The following CACNA1H variants were observed in gnomAD, a reference collection of about 807,000 sequenced individuals.
The protein encoded by CACNA1H is voltage-dependent T-type calcium channel subunit alpha-1H.
In CACNA1H, 149 loss-of-function variants were observed where a neutral mutation model predicts 192.5. The ratio of observed to expected loss-of-function variants is 0.77; its 90% CI spans 0.68 to 0.89. The LOEUF is 0.89. CACNA1H is among the 40% of genes least tolerant of loss of function. The pLI is 0.00. For synonymous variants in CACNA1H, 2,202 were observed against 1,475.2 expected (o/e 1.49, Z -11.29); for missense variants, 4,257 against 3,423.5 (o/e 1.24, Z -6.08).
At chr16:1,207,905 C>G in intron 15 of CACNA1H, 45 bp downstream of exon 15, 2 of 1,548,486 alleles carry the variant, frequency 1.3e-6, no homozygotes, top group Non-Finnish European at 1.8e-6. Context: ...GGGTGGAGTA[C>G]GCTGGGCTGG....
intron 2 of CACNA1H, among the ~76,000 whole-genome samples, chr16:1,174,121 C>A (rs540843201): frequency 6.6e-6 from 1 of 152,200 alleles, no homozygotes; most frequent in Non-Finnish European, 1.5e-5. Context: ...TGAGACCCAC[C>A]ACAGAGCCGT....
At chr16:1,163,561 G>A (rs1285616597) in intron 2 of CACNA1H, among the ~76,000 whole-genome samples, 1 of 152,214 alleles carries the variant, frequency 6.6e-6, no homozygotes, top group African/African-American at 2.4e-5. Context: ...TCTCTCTCAG[G>A]GCCACACACA....
intron 8 of CACNA1H, among the ~76,000 whole-genome samples, 178 bp downstream of exon 8, chr16:1,200,986 C>T (rs990643474): frequency 2.6e-5 from 4 of 152,056 alleles, no homozygotes; most frequent in Non-Finnish European, 4.4e-5. Context: ...CCCAAGAGGC[C>T]ATGGCATCAC....
intron 6 of CACNA1H, 23 bp downstream of exon 6, chr16:1,198,797 A>C: frequency 1.9e-6 from 3 of 1,596,410 alleles, no homozygotes; most frequent in Non-Finnish European, 2.6e-6. Context: ...CACCCCCGTG[A>C]GGCCCCTGCC....
At chr16:1,161,566 AG>A (rs1165050046) in intron 2 of CACNA1H, among the ~76,000 whole-genome samples, 1 of 152,098 alleles carries the variant, frequency 6.6e-6, no homozygotes, top group South Asian at 2.1e-4. Flanking sequence ...TGGCCACAGG[AG>A]GGGGGCTAGC....
At position 1,213,639 on chromosome 16, in the gene CACNA1H, G is replaced by A. The variant is rs534240728; in HGVS notation, c.4778-141G>A. On this transcript the variant is annotated intron_variant, in intron 26 of 34. Transcript: ENST00000348261. ...CTTATGTGAGCCCTGCCATGAGGCA[G>A]GGCCAGCCCCATCTTCACATGAGCC... The A allele has an allele frequency of 2.3e-5, 13 of 566,284 alleles. No individual in the cohort carries two copies. The South Asian group carries it at 3.9e-4, about 17-fold the overall frequency. 35.1% of individuals were successfully genotyped at this position (566,284 alleles called of 1,614,324 possible).
chr16:1,206,055 G>T, intron 11 of CACNA1H, 49 bp from the exon 12 acceptor site: 1 of 1,504,116 alleles, frequency 6.6e-7, no homozygotes, highest in Non-Finnish European at 8.9e-7. Flanking sequence ...ACGAGGGCCT[G>T]GGGTCAGGGA....
At chr16:1,215,735 C>A in intron 30 of CACNA1H, 142 bp downstream of exon 30, 1 of 695,460 alleles carries the variant, frequency 1.4e-6, no homozygotes, top group Non-Finnish European at 2.5e-6. Flanking sequence ...CTGCTGTGTG[C>A]AGTGCATGGC....
At chr16:1,185,009 C>G (rs1192231597) in intron 2 of CACNA1H, among the ~76,000 whole-genome samples, 3 of 152,184 alleles carry the variant, frequency 2.0e-5, no homozygotes, top group Non-Finnish European at 4.4e-5. Context: ...TTCCCTCACT[C>G]CAGAAGGAAA....
chr16:1,204,518 C>A, intron 10 of CACNA1H, 60 bp downstream of exon 10: 1 of 1,366,748 alleles, frequency 7.3e-7, no homozygotes, highest in South Asian at 1.4e-5. Flanking sequence ...CCTGGGGAGT[C>A]TCAGGAGGCT....
At position 1,206,324 on chromosome 16, in the gene CACNA1H, C is replaced by G. The variant is rs913951588; in HGVS notation, c.2789+35C>G. On this transcript the variant is annotated intron_variant, in intron 12 of 34. Transcript: ENST00000348261. ...ACCCCCCTCCCGGCCCGCCCAGTGT[C>G]TCACCCCAGGGCAGCTGGGAGGCAA... 11 of 1,539,044 alleles carry G rather than the reference C, an allele frequency of 7.1e-6. No individual in the cohort carries two copies. The Admixed American group carries it at 9.8e-5, about 14-fold the overall frequency.
At chr16:1,172,896 G>C (rs565753880) in intron 2 of CACNA1H, among the ~76,000 whole-genome samples, 1 of 151,900 alleles carries the variant, frequency 6.6e-6, no homozygotes, top group African/African-American at 2.4e-5. Context: ...GCCCCGTGGG[G>C]ACTCTCGCAG....
chr16:1,180,714 G>C lies in CACNA1H; in HGVS notation c.300-14258G>C, dbSNP rs2151754067. Among the ~76,000 whole-genome samples the C allele has an allele frequency of 6.6e-6, 1 of 152,270 alleles. No individual in the cohort carries two copies. The highest frequency in any genetic ancestry group is 2.4e-5 in the African/African-American group (1 of 41,564). ...AGGGATGAGGTGCAGACTGGGGAGA[G>C]TGCAGGGTGTGCAGCGGGGGCTGGG... On this transcript the variant is annotated intron_variant, in intron 2 of 34. Coordinates refer to ENST00000348261, the MANE Select transcript of CACNA1H (RefSeq NM_021098.3). This position sits in a 1 kb window ranked among gnomAD's most constrained non-coding sequence, Gnocchi z 4.4.
Position 1,210,830 on chromosome 16 carries a change from A to G in CACNA1H, c.4082A>G (p.Gln1361Arg). 2.5e-6 allele frequency: 4 copies of G among 1,604,210 alleles called. No homozygotes were observed. Among genetic ancestry groups the G allele is most frequent in the Non-Finnish European group, 3.4e-6 (4 of 1,179,716 alleles). Residue 1361 changes from glutamine to arginine, a missense_variant, in exon 21 of 35, where the codon CAG becomes CGG. Gln to Arg is a conservative substitution (Grantham distance 43). Coordinates refer to ENST00000348261, the MANE Select transcript of CACNA1H (RefSeq NM_021098.3). ...GLLSGEHAYL[Q>R]SSWNLLDGLL... The stretch of plus-strand genomic sequence containing the variant: ...CTGTCCGGCGAGCACGCCTACCTGC[A>G]GAGCAGCTGGAACCTGCTGGATGGG...
chr16:1,214,474 C>G (rs536230616), intron 27 of CACNA1H, among the ~76,000 whole-genome samples: 6 of 152,162 alleles, frequency 3.9e-5, no homozygotes, highest in African/African-American at 1.4e-4. Context: ...CTTCCCTCTC[C>G]GGAGGTTCGT....
intron 6 of CACNA1H, 188 bp downstream of exon 6, chr16:1,198,962 C>T (rs1280782331): frequency 3.7e-5 from 22 of 590,622 alleles, no homozygotes; most frequent in Admixed American, 3.0e-5. Flanking sequence ...ATCATGGCTC[C>T]GCCCAGCTGG....
chr16:1,168,005 C>T (rs1020407843), intron 2 of CACNA1H, among the ~76,000 whole-genome samples: 2 of 152,196 alleles, frequency 1.3e-5, no homozygotes, highest in Non-Finnish European at 2.9e-5. Context: ...GACCGCACCT[C>T]TGTCTGCCCT....
At chr16:1,213,311 T>G (rs1969675919) in intron 26 of CACNA1H, among the ~76,000 whole-genome samples, 1 of 152,130 alleles carries the variant, frequency 6.6e-6, no homozygotes, top group South Asian at 2.1e-4. Context: ...CCTTCATCAG[T>G]GTCTCAGCCT....
intron 11 of CACNA1H, among the ~76,000 whole-genome samples, chr16:1,205,540 C>A (rs1228985854): frequency 4.6e-5 from 7 of 152,216 alleles, no homozygotes; most frequent in Non-Finnish European, 1.0e-4. Flanking sequence ...ACTAGCGGAG[C>A]TGTTTCCTGC....
Sources: gnomAD v4.1 joint callset for allele counts (sites outside exome capture counted in the v4.1 genomes callset) on GRCh38, gnomAD v4.1.1 for gene constraint, Gnocchi (gnomAD v3.1) non-coding constraint, MANE v1.5 for transcripts, NCBI Gene and HGNC (gene_info 2026-07-23, HGNC 2026-07-21) for gene names.